The following MYO1F variants were observed in gnomAD, a reference collection of about 807,000 sequenced individuals.
The protein encoded by MYO1F is unconventional myosin-If.
MYO1F carries 60 observed loss-of-function variants against 146.6 expected under a neutral mutation model. The ratio of observed to expected loss-of-function variants is 0.41; its 90% CI spans 0.33 to 0.51. MYO1F has a LOEUF of 0.51. Among genes scored for constraint, MYO1F ranks in the 20% least tolerant of loss-of-function variants. The pLI is 0.25. For missense variants in MYO1F, 1,274 were observed against 1,534.3 expected (o/e 0.83, Z 2.83); for synonymous variants, 602 against 602.1 (o/e 1.00, Z 0.00).
At chr19:8,543,789 G>A (rs59011759) in intron 14 of MYO1F, among the ~76,000 whole-genome samples, 1 of 10,560 alleles carries the variant, frequency 9.5e-5, no homozygotes. Flanking sequence ...GGTGGTGCTG[G>A]TGGTGGTGGT....
chr19:8,553,927 C>T (rs1465394109), intron 4 of MYO1F, among the ~76,000 whole-genome samples: 1 of 151,632 alleles, frequency 6.6e-6, no homozygotes, highest in African/African-American at 2.4e-5. Context: ...CTCTCTCGCT[C>T]TCTTTCTCTC....
intron 13 of MYO1F, 79 bp from the exon 14 acceptor site, chr19:8,544,543 GGGAGGGAGGGGGTGGAGGAGT>G: frequency 6.8e-7 from 1 of 1,463,528 alleles, no homozygotes; most frequent in Non-Finnish European, 9.3e-7. Flanking sequence ...CAGAGATTAG[GGGAGGGAGGGGGTGGAGGAGT>G]GGAGGGAGCT....
At chr19:8,544,239 C>G in intron 14 of MYO1F, 58 bp downstream of exon 14, 1 of 1,583,510 alleles carries the variant, frequency 6.3e-7, no homozygotes, top group Non-Finnish European at 8.7e-7. Context: ...GGGGCTACAG[C>G]CTGGAGCCCT....
chr19:8,548,758 G>A (rs180905554), intron 10 of MYO1F, among the ~76,000 whole-genome samples: 300 of 151,638 alleles, frequency 2.0e-3, no homozygotes, highest in Non-Finnish European at 3.9e-3. Flanking sequence ...CTGCCACCAC[G>A]CCCGGCTAAT....
intron 25 of MYO1F, 184 bp downstream of exon 25, chr19:8,525,295 G>A (rs1342820653): frequency 4.0e-6 from 2 of 498,564 alleles, no homozygotes; most frequent in Non-Finnish European, 7.3e-6. Context: ...TTTGGGTTTT[G>A]AAGGGCTCTG....
chr19:8,535,380 G>T (rs948828089), intron 19 of MYO1F, among the ~76,000 whole-genome samples: 2 of 152,000 alleles, frequency 1.3e-5, no homozygotes, highest in African/African-American at 4.8e-5. Flanking sequence ...TGAAATTTTT[G>T]TCTAAATTAA....
At chr19:8,553,264 A>C in intron 5 of MYO1F, 36 bp from the exon 6 acceptor site, 1 of 1,612,322 alleles carries the variant, frequency 6.2e-7, no homozygotes, top group Non-Finnish European at 8.5e-7. Context: ...AAGAAGTCAG[A>C]CTGAGGCAGG....
At chr19:8,544,041 C>CGGTGCTGG (rs1973220998) in intron 14 of MYO1F, 5 of 212,536 alleles carry the variant, frequency 2.4e-5, no homozygotes, top group Non-Finnish European at 3.8e-5. Flanking sequence ...GGTGGCGGTG[C>CGGTGCTGG]TGGTGGTGGT....
chr19:8,527,318 A>G lies in MYO1F; in HGVS notation c.2474+20T>C. Reference sequence around the variant, plus strand: ...GGACAGGTGAGAGTGACTGTGCGGCAGGTAAGGACCTGGCTTCACCTGAGG... The same window carrying G: ...GGACAGGTGAGAGTGACTGTGCGGCGGGTAAGGACCTGGCTTCACCTGAGG... On this transcript the variant is annotated intron_variant, in intron 22 of 27. Transcript: ENST00000644032. The G allele has an allele frequency of 6.2e-7, 1 of 1,613,902 alleles. No individual in the cohort carries two copies. Among genetic ancestry groups the G allele is most frequent in the East Asian group, 2.2e-5 (1 of 44,878 alleles).
chr19:8,548,000 C>CCCCGCG, intron 12 of MYO1F, 36 bp downstream of exon 12: 4 of 1,305,042 alleles, frequency 3.1e-6, no homozygotes, highest in African/African-American at 1.5e-5. Context: ...CACCCCCACC[C>CCCCGCG]CAGGATCCCC....
At chr19:8,541,348 T>A (rs994859451) in intron 15 of MYO1F, among the ~76,000 whole-genome samples, 2 of 151,384 alleles carry the variant, frequency 1.3e-5, no homozygotes, top group African/African-American at 4.9e-5. Flanking sequence ...AAGAACCACA[T>A]GTCAAACACT....
chr19:8,527,620 C>T (rs1972323284), intron 21 of MYO1F, 137 bp from the exon 22 acceptor site: 13 of 1,090,894 alleles, frequency 1.2e-5, no homozygotes, highest in Admixed American at 4.3e-5. Flanking sequence ...GTGTATGAGT[C>T]GTCTGTTTTG....
chr19:8,521,658 T>C (rs905528394), intron 27 of MYO1F, 54 bp from the exon 28 acceptor site: 1 of 1,522,522 alleles, frequency 6.6e-7, no homozygotes, highest in African/African-American at 1.4e-5. Context: ...GAGAAAGCTC[T>C]CATGCCTGGT....
At position 8,577,194 on chromosome 19, in the gene MYO1F, G is replaced by A; in HGVS notation, c.3+113C>T. On this transcript the variant is annotated intron_variant, in intron 1 of 27. Transcript: ENST00000644032. The surrounding 1 kb of genome is among the most constrained non-coding windows in gnomAD (Gnocchi z 4.3). ...TGAGAGACACCCCACCCCCACAGAA[G>A]TCCACCATGCCCCTCCCCTCACCCC... 1 of 1,300,156 alleles carries A rather than the reference G, an allele frequency of 7.7e-7. No homozygotes were observed. The allele number at this position is 1,300,156 out of a possible 1,614,324, so 80.5% of individuals were successfully genotyped here. A position where few individuals can be genotyped will look rare whatever the true frequency, so the allele number is the denominator to read the frequency against.
chr19:8,577,139 TA>T lies in MYO1F; in HGVS notation c.3+167del. 1 of 781,208 alleles carries T rather than the reference TA, an allele frequency of 1.3e-6. No homozygotes were observed. The highest frequency in any genetic ancestry group is 2.2e-6 in the Non-Finnish European group (1 of 458,330). The allele number at this position is 781,208 out of a possible 1,614,324, so 48.4% of individuals were successfully genotyped here. ...CTACAGATGGGAGCTTGCTCCCTGG[TA>T]AGGGATGCTGGAGGCACCTGAGCTG... On this transcript the variant is annotated intron_variant, in intron 1 of 27. Coordinates refer to ENST00000644032, the MANE Select transcript of MYO1F (RefSeq NM_012335.4). The surrounding 1 kb of genome is among the most constrained non-coding windows in gnomAD (Gnocchi z 4.3).
intron 14 of MYO1F, among the ~76,000 whole-genome samples, chr19:8,542,355 G>A (rs927544101): frequency 2.1e-5 from 3 of 145,456 alleles, no homozygotes; most frequent in Admixed American, 6.9e-5. Flanking sequence ...GCTGCAGCCT[G>A]GCGGGGGGGT....
intron 10 of MYO1F, among the ~76,000 whole-genome samples, chr19:8,549,039 C>A (rs540544296): frequency 6.6e-6 from 1 of 151,806 alleles, no homozygotes; most frequent in South Asian, 2.1e-4. Context: ...AAACCTCTGC[C>A]TCCAGGATTC....
intron 4 of MYO1F, among the ~76,000 whole-genome samples, chr19:8,553,991 C>G (rs531662535): frequency 2.5e-4 from 38 of 152,002 alleles, no homozygotes; most frequent in African/African-American, 8.2e-4. Context: ...GGGTCTCACT[C>G]TGTTGCCCAG....
chr19:8,543,579 A>C, intron 14 of MYO1F, among the ~76,000 whole-genome samples: 1 of 151,698 alleles, frequency 6.6e-6, no homozygotes, highest in Non-Finnish European at 1.5e-5. Flanking sequence ...TTGATGTGTA[A>C]GGGAAGCTGT....
Sources: gnomAD v4.1 joint callset for allele counts (sites outside exome capture counted in the v4.1 genomes callset) on GRCh38, gnomAD v4.1.1 for gene constraint, Gnocchi (gnomAD v3.1) non-coding constraint, MANE v1.5 for transcripts, NCBI Gene and HGNC (gene_info 2026-07-23, HGNC 2026-07-21) for gene names.